DAB1: variants seen among roughly 807,000 people sequenced by gnomAD.
DAB1 encodes the protein disabled homolog 1.
In DAB1, 15 loss-of-function variants were observed where a neutral mutation model predicts 64.6. The ratio of observed to expected loss-of-function variants is 0.23; its 90% CI spans 0.16 to 0.36. The LOEUF is 0.36. Among genes scored for constraint, DAB1 ranks in the 10% least tolerant of loss-of-function variants. The probability of loss-of-function intolerance (pLI) is 1.00; values close to 1 mark genes in which losing one functional copy is unlikely to be tolerated. For missense variants in DAB1, 596 were observed against 706.7 expected (o/e 0.84, Z 1.78); for synonymous variants, 235 against 251.9 (o/e 0.93, Z 0.64).
intron 2 of DAB1, among the ~76,000 whole-genome samples, chr1:57,249,003 C>T (rs1325729812): frequency 5.3e-5 from 8 of 152,162 alleles, no homozygotes; most frequent in East Asian, 1.9e-4. Context: ...ATTAAGTTCA[C>T]GATCCCTAGA....
intron 6 of DAB1, among the ~76,000 whole-genome samples, chr1:57,814,625 G>A (rs1651769752): frequency 6.6e-6 from 1 of 152,166 alleles, no homozygotes; most frequent in Non-Finnish European, 1.5e-5. Flanking sequence ...CCAAGAGGAG[G>A]CAATTCCAAC....
intron 2 of DAB1, among the ~76,000 whole-genome samples, chr1:57,167,533 T>G (rs1025598344): frequency 1.3e-5 from 2 of 152,158 alleles, no homozygotes; most frequent in African/African-American, 4.8e-5. Flanking sequence ...TCTCACACTC[T>G]CTCAGATGCT....
chr1:57,982,995 G>C (rs992088049), intron 5 of DAB1, among the ~76,000 whole-genome samples: 56 of 152,192 alleles, frequency 3.7e-4, no homozygotes, highest in Non-Finnish European at 6.2e-4. Flanking sequence ...AGGTCATAGA[G>C]CTGTTAAATT....
intron 5 of DAB1, among the ~76,000 whole-genome samples, chr1:57,983,644 G>A (rs898706236): frequency 8.5e-5 from 13 of 152,300 alleles, no homozygotes; most frequent in Middle Eastern, 3.4e-3. Context: ...GGACCCCAGC[G>A]CCGCTATTCC....
At chr1:57,785,975 T>C (rs1367336490) in intron 6 of DAB1, among the ~76,000 whole-genome samples, 9 of 152,140 alleles carry the variant, frequency 5.9e-5, no homozygotes, top group Admixed American at 2.6e-4. Flanking sequence ...GTTGTCTTAT[T>C]TGAAGAAATT....
intron 5 of DAB1, among the ~76,000 whole-genome samples, chr1:57,904,570 A>G (rs1364343114): frequency 6.6e-6 from 1 of 152,202 alleles, no homozygotes; most frequent in African/African-American, 2.4e-5. Flanking sequence ...GCGCAAGGCT[A>G]CCCCTTGAGG....
intron 5 of DAB1, among the ~76,000 whole-genome samples, chr1:57,941,803 C>A (rs1645110160): frequency 6.6e-6 from 1 of 151,980 alleles, no homozygotes; most frequent in Admixed American, 6.6e-5. Context: ...CCACTGCACT[C>A]CAGCCTGGGC....
At chr1:57,138,866 G>T (rs1368402766) in intron 3 of DAB1, among the ~76,000 whole-genome samples, 1 of 152,110 alleles carries the variant, frequency 6.6e-6, no homozygotes, top group Non-Finnish European at 1.5e-5. Flanking sequence ...TTCATTGATT[G>T]TCTGCCTTTG....
At chr1:57,227,516 C>CTTTT (rs1553158361) in intron 2 of DAB1, among the ~76,000 whole-genome samples, 53 of 108,026 alleles carry the variant, frequency 4.9e-4, no homozygotes, top group African/African-American at 1.8e-3. Context: ...GATTTTTTTT[C>CTTTT]TTTTGTGTGT....
chr1:57,713,770 T>C (rs1413598453), intron 6 of DAB1, among the ~76,000 whole-genome samples: 2 of 152,168 alleles, frequency 1.3e-5, no homozygotes, highest in African/African-American at 2.4e-5. Context: ...CTCTTGCAAA[T>C]GTGCAGCAAA....
intron 3 of DAB1, among the ~76,000 whole-genome samples, chr1:58,401,713 C>T (rs577985693): frequency 5.3e-5 from 8 of 152,288 alleles, no homozygotes; most frequent in Admixed American, 3.3e-4. Context: ...ATAACTAGAA[C>T]AAAAAACTCA....
intron 5 of DAB1, among the ~76,000 whole-genome samples, chr1:57,922,739 G>A (rs908262256): frequency 1.1e-4 from 17 of 150,706 alleles, no homozygotes; most frequent in African/African-American, 3.4e-4. Flanking sequence ...CCAGCTACTC[G>A]GGAAGCTGAG....
chr1:58,187,941 C>T (rs1282175518), intron 4 of DAB1, among the ~76,000 whole-genome samples: 2 of 138,040 alleles, frequency 1.4e-5, no homozygotes, highest in Admixed American at 1.5e-4. Context: ...CAGAGTCTCG[C>T]TCTTACACCC....
intron 5 of DAB1, among the ~76,000 whole-genome samples, chr1:58,061,186 C>T (rs1237553566): frequency 3.9e-5 from 6 of 152,188 alleles, no homozygotes; most frequent in Non-Finnish European, 7.3e-5. Context: ...CACAGGCTTT[C>T]GAATGAAAAA....
At chr1:58,086,500 G>A (rs113940695) in intron 5 of DAB1, among the ~76,000 whole-genome samples, 5 of 152,222 alleles carry the variant, frequency 3.3e-5, no homozygotes, top group South Asian at 2.1e-4. Context: ...AGTGTAAGGC[G>A]CTGGGGAGAA....
chr1:58,206,123 C>T lies in DAB1; in HGVS notation n.310-55535G>A, dbSNP rs116028061. On this transcript the variant is annotated intron_variant and non_coding_transcript_variant, in intron 4 of 20. Transcript: ENST00000485760. ...TCTCAGGACGTCCTGATGACATGTG[C>T]CCAGGGTGGTCGAGGCACGGCTTGG... Among the ~76,000 whole-genome samples, 357 of 152,268 alleles carry T rather than the reference C, an allele frequency of 2.3e-3. 2 individuals carry two copies. The highest frequency in any genetic ancestry group is 7.9e-3 in the African/African-American group (329 of 41,548).
intron 5 of DAB1, among the ~76,000 whole-genome samples, chr1:58,069,658 C>T (rs1456399268): frequency 6.6e-6 from 1 of 152,128 alleles, no homozygotes; most frequent in African/African-American, 2.4e-5. Context: ...CACAACACAC[C>T]TAATATCAAT....
chr1:57,315,279 C>T (rs993142914), intron 1 of DAB1, among the ~76,000 whole-genome samples: 1 of 152,144 alleles, frequency 6.6e-6, no homozygotes, highest in Middle Eastern at 3.2e-3. Flanking sequence ...ATTACTTATT[C>T]CATGTAAATT....
chr1:57,095,357 A>G (rs1654062912), intron 4 of DAB1, among the ~76,000 whole-genome samples: 2 of 152,194 alleles, frequency 1.3e-5, no homozygotes, highest in African/African-American at 2.4e-5. Flanking sequence ...CAGAGGCCCA[A>G]TGAGACTGTG....
Sources: gnomAD v4.1 joint callset for allele counts (sites outside exome capture counted in the v4.1 genomes callset) on GRCh38, gnomAD v4.1.1 for gene constraint, MANE v1.5 for transcripts, NCBI Gene and HGNC (gene_info 2026-07-23, HGNC 2026-07-21) for gene names.